SLC12A2: variants seen among roughly 807,000 people sequenced by gnomAD.
SLC12A2 encodes the protein solute carrier family 12 member 2.
SLC12A2 carries 67 observed loss-of-function variants against 136.3 expected under a neutral mutation model. That is an observed-to-expected ratio of 0.49 (90% CI 0.40 to 0.60). The LOEUF (loss-of-function observed/expected upper bound fraction) is 0.60. Among genes scored for constraint, SLC12A2 ranks in the 20% least tolerant of loss-of-function variants. The pLI, the probability that SLC12A2 is intolerant of heterozygous loss-of-function variation, is 0.00. For synonymous variants in SLC12A2, 619 were observed against 562.9 expected (o/e 1.10, Z -1.41); for missense variants, 1,322 against 1,534.7 (o/e 0.86, Z 2.32).
chr5:128,117,812 C>G (rs562001415), intron 4 of SLC12A2, among the ~76,000 whole-genome samples: 1 of 152,100 alleles, frequency 6.6e-6, no homozygotes, highest in African/African-American at 2.4e-5. Flanking sequence ...AAATATTTGC[C>G]AACTCTACAT....
intron 17 of SLC12A2, 28 bp downstream of exon 17, chr5:128,161,828 C>A: frequency 2.2e-6 from 3 of 1,369,572 alleles, no homozygotes; most frequent in South Asian, 4.1e-5. Flanking sequence ...TTTCAAATGC[C>A]TACATTTTAG....
rs774280351 is a variant in SLC12A2 at position 128,114,538 on chromosome 5, C to T, written c.953-48C>T. The T allele has an allele frequency of 4.6e-6, 6 of 1,301,380 alleles. No individual in the cohort carries two copies. In the South Asian group the frequency reaches 7.2e-5, roughly 16 times the overall value. 80.6% of individuals were successfully genotyped at this position (1,301,380 alleles called of 1,614,324 possible). A position where few individuals can be genotyped will look rare whatever the true frequency, so the allele number is the denominator to read the frequency against. On this transcript the variant is annotated intron_variant, in intron 3 of 26. Coordinates refer to ENST00000262461, the MANE Select transcript of SLC12A2 (RefSeq NM_001046.3). ...CCAACCAGTTTTAGATACCGATGAG[C>T]TTAAACAAGAGTGTAAGTATTCTCA... is the stretch of plus-strand genomic sequence containing the variant.
At chr5:128,111,657 C>T (rs979943861) in intron 1 of SLC12A2, among the ~76,000 whole-genome samples, 9 of 150,808 alleles carry the variant, frequency 6.0e-5, no homozygotes, top group East Asian at 3.9e-4. Flanking sequence ...CCCAGCTACT[C>T]GGGAGGCTGA....
intron 15 of SLC12A2, among the ~76,000 whole-genome samples, chr5:128,155,220 A>G (rs1331687654): frequency 6.6e-6 from 1 of 152,194 alleles, no homozygotes; most frequent in East Asian, 1.9e-4. Flanking sequence ...ATGATGCATA[A>G]TTTAAAACAT....
chr5:128,110,649 G>T, intron 1 of SLC12A2: 1 of 1,182,732 alleles, frequency 8.5e-7, no homozygotes. Flanking sequence ...GTGTTGTGCT[G>T]AAGCCAAGAC....
At chr5:128,132,305 C>A (rs189425201) in intron 5 of SLC12A2, among the ~76,000 whole-genome samples, 19 of 151,678 alleles carry the variant, frequency 1.3e-4, no homozygotes, top group African/African-American at 4.6e-4. Context: ...ACTTGTGGAG[C>A]GGGAAAGATG....
At chr5:128,090,088 G>T (rs1462956971) in intron 1 of SLC12A2, among the ~76,000 whole-genome samples, 1 of 152,182 alleles carries the variant, frequency 6.6e-6, no homozygotes, top group East Asian at 1.9e-4. Flanking sequence ...ATTGAAGTCA[G>T]GCTTACCCAT....
chr5:128,170,670 AT>A (rs1187084304), intron 18 of SLC12A2: 3 of 152,308 alleles, frequency 2.0e-5, no homozygotes, highest in African/African-American at 7.2e-5. Flanking sequence ...GGAATTTAAA[AT>A]TTTTTCAGTA....
intron 22 of SLC12A2, 141 bp downstream of exon 22, chr5:128,178,830 C>G (rs1763613370): frequency 1.9e-6 from 1 of 531,146 alleles, no homozygotes; most frequent in Non-Finnish European, 3.2e-6. Flanking sequence ...ATTTCAGAAT[C>G]AGGCACAGCC....
At chr5:128,111,408 G>A (rs547415099) in intron 1 of SLC12A2, among the ~76,000 whole-genome samples, 46 of 152,272 alleles carry the variant, frequency 3.0e-4, no homozygotes, top group African/African-American at 8.9e-4. Context: ...AGGGAATTTT[G>A]ATTATCATGT....
In SLC12A2 at chr5:128,141,915, A is replaced by G; in HGVS notation, c.1707A>G (p.Lys569=). The G allele has an allele frequency of 6.2e-7, 1 of 1,614,020 alleles. No individual in the cohort carries two copies. Among genetic ancestry groups the G allele is most frequent in the South Asian group, 1.1e-5 (1 of 91,072 alleles). Residue 569 remains lysine (K), a synonymous_variant, in exon 10 of 27, where the codon AAA becomes AAG. Transcript: ENST00000262461. The part of the protein sequence containing the change: ...ELTNCTSAAC[K]LNFDFSSCES... The stretch of plus-strand genomic sequence containing the variant: ...CAAACTGTACTTCTGCAGCCTGCAA[A>G]TTAAACTTTGATTTTTCATCTTGTG...
intron 15 of SLC12A2, 129 bp downstream of exon 15, chr5:128,152,934 CAA>C (rs1311122029): frequency 1.7e-6 from 1 of 598,340 alleles, no homozygotes; most frequent in African/African-American, 1.9e-5. Context: ...TATTCAAGAA[CAA>C]AATTGTACAA....
At chr5:128,103,545 T>G (rs1760820608) in intron 1 of SLC12A2, among the ~76,000 whole-genome samples, 1 of 152,204 alleles carries the variant, frequency 6.6e-6, no homozygotes, top group South Asian at 2.1e-4. Context: ...TAATACTTAC[T>G]GAGGGAGTGC....
At chr5:128,125,683 T>C (rs566348656) in intron 4 of SLC12A2, among the ~76,000 whole-genome samples, 3 of 152,310 alleles carry the variant, frequency 2.0e-5, no homozygotes, top group Non-Finnish European at 4.4e-5. Flanking sequence ...TTTCTCTTTT[T>C]TTTTATGCTA....
At chr5:128,121,475 A>T (rs888730644) in intron 4 of SLC12A2, among the ~76,000 whole-genome samples, 1 of 151,912 alleles carries the variant, frequency 6.6e-6, no homozygotes, top group Admixed American at 6.6e-5. Flanking sequence ...GGTACCTGCC[A>T]CCACGCCCGG....
Position 128,084,803 on chromosome 5 carries a change from G to C in SLC12A2, c.756+93G>C. ...GACTCTTCCCGAGTTGAGGTGGCGG[G>C]AGTAGTAGACGTGCACGACTTGCTG... On this transcript the variant is annotated intron_variant, in intron 1 of 26. Coordinates refer to ENST00000262461, the MANE Select transcript of SLC12A2 (RefSeq NM_001046.3). This position sits in a 1 kb window ranked among gnomAD's most constrained non-coding sequence, Gnocchi z 5.6. 1 of 1,364,880 alleles carries C rather than the reference G, an allele frequency of 7.3e-7. No homozygotes were observed. The allele number at this position is 1,364,880 out of a possible 1,614,324, so 84.5% of individuals were successfully genotyped here.
At chr5:128,117,306 A>G (rs1041699237) in intron 4 of SLC12A2, among the ~76,000 whole-genome samples, 1 of 152,240 alleles carries the variant, frequency 6.6e-6, no homozygotes, top group African/African-American at 2.4e-5. Flanking sequence ...AGCAGTAATG[A>G]TGATAACTGA....
chr5:128,138,302 A>G (rs1374604697), intron 7 of SLC12A2, among the ~76,000 whole-genome samples: 1 of 152,024 alleles, frequency 6.6e-6, no homozygotes. Context: ...GATTATCCAC[A>G]TTTTGATTTG....
chr5:128,173,167 C>T (rs1297392029), intron 19 of SLC12A2, among the ~76,000 whole-genome samples: 2 of 152,138 alleles, frequency 1.3e-5, no homozygotes, highest in African/African-American at 2.4e-5. Flanking sequence ...TTTTAATCTT[C>T]CCTCTCTTTA....
Sources: allele counts gnomAD v4.1 joint callset (sites outside exome capture counted in the v4.1 genomes callset), GRCh38; gene constraint gnomAD v4.1.1; non-coding constraint Gnocchi (gnomAD v3.1); transcripts MANE v1.5; gene names NCBI Gene and HGNC (gene_info 2026-07-23, HGNC 2026-07-21).